The following ESR1 variants were observed in gnomAD, a reference collection of about 807,000 sequenced individuals.
ESR1 encodes the protein estrogen receptor.
Under a neutral mutation model 52.7 loss-of-function variants are expected in ESR1, and 12 were observed. The observed-to-expected ratio is 0.23, with a 90% CI of 0.15 to 0.37. The LOEUF (loss-of-function observed/expected upper bound fraction) is 0.37, where lower values mean the gene tolerates loss of function less well. ESR1 is among the 10% of genes least tolerant of loss of function. The probability of loss-of-function intolerance (pLI) is 1.00; values close to 1 mark genes in which losing one functional copy is unlikely to be tolerated. For missense variants in ESR1, 584 were observed against 779.7 expected, an observed-to-expected ratio of 0.75 and a Z score of 2.99; for synonymous variants, 305 against 316.8, an observed-to-expected ratio of 0.96 and a Z score of 0.39.
At chr6:151,957,719 T>C (rs1026033769) in intron 4 of ESR1, among the ~76,000 whole-genome samples, 1 of 152,082 alleles carries the variant, frequency 6.6e-6, no homozygotes, top group Non-Finnish European at 1.5e-5. Context: ...AGGTAAGAAA[T>C]AGAATCTATT....
chr6:152,103,439 T>C (rs1165810833), downstream of ESR1, among the ~76,000 whole-genome samples: 1 of 152,196 alleles, frequency 6.6e-6, no homozygotes, highest in African/African-American at 2.4e-5. Context: ...TATCAGGAAG[T>C]GTGTGGACAC....
intron 5 of ESR1, among the ~76,000 whole-genome samples, chr6:152,060,591 G>A (rs536525475): frequency 4.6e-5 from 7 of 152,234 alleles, no homozygotes; most frequent in Admixed American, 6.5e-5. Context: ...ATCTTCAGCC[G>A]AGGCCCTGTT....
At chr6:152,042,511 C>T (rs1167929174) in intron 5 of ESR1, among the ~76,000 whole-genome samples, 1 of 152,088 alleles carries the variant, frequency 6.6e-6, no homozygotes, top group East Asian at 1.9e-4. Flanking sequence ...CCAGAGGTCT[C>T]CTGGGGGAAG....
chr6:151,673,356 A>G (rs980038744), intron 1 of ESR1, among the ~76,000 whole-genome samples: 2 of 152,144 alleles, frequency 1.3e-5, no homozygotes, highest in Admixed American at 6.5e-5. Flanking sequence ...TGGACGCTTC[A>G]CTTTATTAAT....
At chr6:152,055,737 C>T (rs1407984231) in intron 5 of ESR1, among the ~76,000 whole-genome samples, 1 of 152,146 alleles carries the variant, frequency 6.6e-6, no homozygotes, top group East Asian at 1.9e-4. Flanking sequence ...CTCATTTGAC[C>T]ACTTCCCCAG....
intron 6 of ESR1, among the ~76,000 whole-genome samples, chr6:152,123,220 T>C (rs1213485868): frequency 1.3e-5 from 2 of 152,224 alleles, no homozygotes; most frequent in East Asian, 1.9e-4. Context: ...TCATAGAGCA[T>C]ACCCTGGTTT....
At chr6:152,019,625 TTTA>T (rs948242182) in intron 5 of ESR1, among the ~76,000 whole-genome samples, 1 of 152,234 alleles carries the variant, frequency 6.6e-6, no homozygotes, top group African/African-American at 2.4e-5. Flanking sequence ...TTATTCACCA[TTTA>T]TTATTAACTG....
rs183979713 is a variant in ESR1, at chr6:151,931,648, T to C, written c.761-12525T>C. 1.7e-3 allele frequency among the ~76,000 whole-genome samples: 235 copies of C among 138,598 alleles called. 4 individuals are homozygous for C. The highest frequency in any genetic ancestry group is 9.0e-4 in the Non-Finnish European group (59 of 65,242). 90.9% of individuals were successfully genotyped at this position (138,598 alleles called of 152,430 possible). ...CCCCAGAGTGTGATATTCCCCTTCC[T>C]GTGTCCATGTGATCTCATTGTTCAG... is the stretch of plus-strand genomic sequence containing the variant. On this transcript the variant is annotated intron_variant, in intron 3 of 7. Coordinates refer to ENST00000206249, the MANE Select transcript of ESR1 (RefSeq NM_000125.4).
intron 1 of ESR1, among the ~76,000 whole-genome samples, chr6:151,670,585 T>A (rs1778014650): frequency 6.6e-6 from 1 of 151,412 alleles, no homozygotes; most frequent in Non-Finnish European, 1.5e-5. Context: ...AGAAGGCACT[T>A]AAAAAAAAAT....
intron 4 of ESR1, among the ~76,000 whole-genome samples, chr6:151,953,938 A>G (rs2036612559): frequency 6.6e-6 from 1 of 151,718 alleles, no homozygotes; most frequent in Non-Finnish European, 1.5e-5. Context: ...TGTTGTCTTT[A>G]CTTTAGACTA....
intron 5 of ESR1, among the ~76,000 whole-genome samples, chr6:152,016,034 G>A (rs2043142896): frequency 1.3e-5 from 2 of 152,132 alleles, no homozygotes; most frequent in Non-Finnish European, 2.9e-5. Flanking sequence ...GGAGATAATT[G>A]AATCATGTGG....
intron 3 of ESR1, among the ~76,000 whole-genome samples, chr6:151,913,349 C>T (rs769941828): frequency 4.6e-5 from 7 of 152,122 alleles, no homozygotes; most frequent in Non-Finnish European, 1.0e-4. Flanking sequence ...TGTGAATGGA[C>T]CTCATTATGC....
Position 152,099,079 on chromosome 6 carries a change from C to A in ESR1, c.*113C>A. The A allele has an allele frequency of 1.2e-6, 1 of 801,442 alleles. No homozygotes were observed. The highest frequency in any genetic ancestry group is 2.1e-6 in the Non-Finnish European group (1 of 476,544). 49.6% of individuals were successfully genotyped at this position (801,442 alleles called of 1,614,324 possible). A position where few individuals can be genotyped will look rare whatever the true frequency, so the allele number is the denominator to read the frequency against. On this transcript the variant is annotated 3_prime_UTR_variant, in exon 8 of 8. Coordinates refer to ENST00000206249, the MANE Select transcript of ESR1 (RefSeq NM_000125.4). The stretch of plus-strand genomic sequence containing the variant: ...ATACACTCCGGCATGCATCCAACAC[C>A]AATGGCTTTCTAGATGAGTGGCCAT...
At position 152,099,312 on chromosome 6, in the gene ESR1, C is replaced by G. The variant is rs776944322; in HGVS notation, c.*346C>G. 9 of 434,140 alleles carry G rather than the reference C, an allele frequency of 2.1e-5. No individual in the cohort carries two copies. The highest frequency in any genetic ancestry group is 3.4e-5 in the Non-Finnish European group (8 of 232,872). The allele number at this position is 434,140 out of a possible 1,614,324, so 26.9% of individuals were successfully genotyped here. On this transcript the variant is annotated 3_prime_UTR_variant, in exon 8 of 8. Transcript: ENST00000206249. ...TGCATTTAAGCTACTTGTAGAGACC[C>G]AGGCCTGGAGAGTAGACATTTTGCC... is the stretch of plus-strand genomic sequence containing the variant.
intron 1 of ESR1, among the ~76,000 whole-genome samples, chr6:151,672,415 T>C (rs542575325): frequency 6.6e-6 from 1 of 152,096 alleles, no homozygotes; most frequent in East Asian, 1.9e-4. Context: ...TGGCTCACTG[T>C]AGCCTCTGCC....
At chr6:152,076,312 T>C (rs1257679852) in intron 6 of ESR1, among the ~76,000 whole-genome samples, 1 of 152,180 alleles carries the variant, frequency 6.6e-6, no homozygotes, top group East Asian at 1.9e-4. Context: ...GCCACCACCA[T>C]GTAAGAAGTG....
chr6:151,828,801 A>G lies in ESR1; in HGVS notation c.453-13796A>G, dbSNP rs377741823. ...TGCAACTCTATACATTTCCCAGCCT[A>G]TGTTCCCAGAGTCTCCAGATGACAT... On this transcript the variant is annotated intron_variant, in intron 1 of 7. Transcript: ENST00000206249. 3.9e-5 allele frequency among the ~76,000 whole-genome samples: 6 copies of G among 152,188 alleles called. No individual in the cohort carries two copies. The East Asian group carries it at 9.6e-4, about 24-fold the overall frequency.
At chr6:152,004,293 A>G in intron 4 of ESR1, among the ~76,000 whole-genome samples, 1 of 152,036 alleles carries the variant, frequency 6.6e-6, no homozygotes, top group East Asian at 1.9e-4. Context: ...TAAGACCAAT[A>G]ATTTTTCAAA....
intron 1 of ESR1, among the ~76,000 whole-genome samples, chr6:151,697,562 G>A (rs1779446612): frequency 6.6e-6 from 1 of 152,136 alleles, no homozygotes; most frequent in East Asian, 1.9e-4. Context: ...ATTTTCTTTG[G>A]ACAAGATATA....
Sources: allele counts gnomAD v4.1 joint callset (sites outside exome capture counted in the v4.1 genomes callset), GRCh38; gene constraint gnomAD v4.1.1; transcripts MANE v1.5; gene names NCBI Gene and HGNC (gene_info 2026-07-23, HGNC 2026-07-21).